The following CCDC32 variants were observed in gnomAD, a reference collection of about 807,000 sequenced individuals.
CCDC32 encodes the protein coiled-coil domain containing 32.
A neutral mutation model predicts 20.1 loss-of-function variants in CCDC32; 9 were observed. The ratio of observed to expected loss-of-function variants is 0.45; its 90% confidence interval spans 0.27 to 0.78. The LOEUF (loss-of-function observed/expected upper bound fraction) is 0.78. Ranked by LOEUF, CCDC32 falls within the 30% of genes least tolerant of loss-of-function variation. CCDC32 has a pLI of 0.16. For missense variants in CCDC32, 204 were observed against 215.5 expected, an observed-to-expected ratio of 0.95 and a Z score of 0.33; for synonymous variants, 63 against 79.0, an observed-to-expected ratio of 0.80 and a Z score of 1.07.
chr15:40,556,981 A>G, intron 3 of CCDC32: 1 of 326,052 alleles, frequency 3.1e-6, no homozygotes, highest in South Asian at 8.0e-5. Context: ...CTCATGAGAA[A>G]GAATTCAAGA....
downstream of CCDC32, among the ~76,000 whole-genome samples, chr15:40,551,809 C>CAAAAAAAAAAAAAA (rs59499493): frequency 1.0e-4 from 10 of 96,354 alleles, no homozygotes; most frequent in African/African-American, 3.6e-4. Flanking sequence ...GACCCTGTCT[C>CAAAAAAAAAAAAAA]AAAAAAAAAA....
intron 3 of CCDC32, among the ~76,000 whole-genome samples, chr15:40,556,371 T>C (rs1010667204): frequency 6.6e-6 from 1 of 151,114 alleles, no homozygotes; most frequent in African/African-American, 2.4e-5. Context: ...TGTCTTTATA[T>C]ATATTTGTCA....
At chr15:40,548,577 G>A (rs918240564), downstream of CCDC32, among the ~76,000 whole-genome samples, 1 of 152,114 alleles carries the variant, frequency 6.6e-6, no homozygotes, top group African/African-American at 2.4e-5. Context: ...GGTGTCACCT[G>A]GGACAGCTTA....
At chr15:40,564,816 G>A (rs995092268) in intron 1 of CCDC32, 160 bp downstream of exon 1, 1 of 1,614,016 alleles carries the variant, frequency 6.2e-7, no homozygotes, top group Non-Finnish European at 8.5e-7. Flanking sequence ...CCAGAACCAC[G>A]CAGGAAATTC....
At chr15:40,559,720 T>C (rs1458619370) in intron 2 of CCDC32, among the ~76,000 whole-genome samples, 1 of 152,234 alleles carries the variant, frequency 6.6e-6, no homozygotes, top group Non-Finnish European at 1.5e-5. Flanking sequence ...CTTCTGACTC[T>C]TCTTTCTGTC....
At chr15:40,545,176 T>G (rs1889564510) in intron 3 of CCDC32, among the ~76,000 whole-genome samples, 1 of 152,210 alleles carries the variant, frequency 6.6e-6, no homozygotes, top group Non-Finnish European at 1.5e-5. Context: ...TCAGGCACCA[T>G]GCTGAAGACC....
intron 3 of CCDC32, among the ~76,000 whole-genome samples, chr15:40,547,620 A>G (rs186369169): frequency 3.1e-4 from 47 of 150,360 alleles, no homozygotes; most frequent in Admixed American, 3.1e-3. Flanking sequence ...TTGCCTGTTC[A>G]AGAAGGGCAA....
chr15:40,553,990 G>T lies in CCDC32; in HGVS notation c.539C>A (p.Pro180Gln). The T allele has an allele frequency of 1.2e-6, 2 of 1,607,202 alleles. No homozygotes were observed. ...TGTAATTTACTGTTCTGCTGCTGCT[G>T]GCTTGTCCCCGGCTGCTGGCTCGTC... ...AEDEPAAGDK[P>Q]AAAEQ Residue 180 changes from proline to glutamine, a missense_variant, in exon 4 of 4, where the codon CCA (proline) becomes CAA (glutamine). Transcript: ENST00000416810.
chr15:40,539,836 G>A (rs568977562), intron 3 of CCDC32, among the ~76,000 whole-genome samples: 676 of 63,958 alleles, frequency 0.011, 13 homozygotes, highest in African/African-American at 0.028. Flanking sequence ...TGATCAAACT[G>A]TTGCCACACA....
At chr15:40,531,330 A>AT (rs1036283042), downstream of CCDC32, 343 of 142,872 alleles carry the variant, frequency 2.4e-3, 10 homozygotes, top group African/African-American at 6.1e-3. Context: ...CTTTTTTTTT[A>AT]TTTTTTTTTT....
intron 2 of CCDC32, among the ~76,000 whole-genome samples, chr15:40,559,397 G>A (rs1316027503): frequency 6.6e-6 from 1 of 152,158 alleles, no homozygotes; most frequent in East Asian, 1.9e-4. Context: ...TTTCATGAAA[G>A]TTTCTTAGAA....
chr15:40,557,815 A>G (rs1890350581), intron 2 of CCDC32: 1 of 130,744 alleles, frequency 7.6e-6, no homozygotes, highest in Non-Finnish European at 1.8e-5. Context: ...TCCAAATCTC[A>G]TGAGAAAGAA....
At chr15:40,522,542 T>G in the CCDC32 span, among the ~76,000 whole-genome samples, 1 of 152,230 alleles carries the variant, frequency 6.6e-6, no homozygotes, top group African/African-American at 2.4e-5. Context: ...GTAGATCATT[T>G]TGGGGAAAAC....
chr15:40,522,703 G>GTAA, the CCDC32 span, among the ~76,000 whole-genome samples: 1 of 152,096 alleles, frequency 6.6e-6, no homozygotes, highest in Non-Finnish European at 1.5e-5. Context: ...GGTAACTTGA[G>GTAA]TAAAGCCCAT....
intron 3 of CCDC32, among the ~76,000 whole-genome samples, chr15:40,555,101 A>T (rs976544866): frequency 6.6e-6 from 1 of 152,220 alleles, no homozygotes; most frequent in Non-Finnish European, 1.5e-5. Flanking sequence ...TAAACTTTGA[A>T]GAACTAGTGT....
chr15:40,557,484 C>T, intron 2 of CCDC32, 112 bp from the exon 3 acceptor site: 2 of 1,027,492 alleles, frequency 1.9e-6, no homozygotes, highest in South Asian at 3.5e-5. Flanking sequence ...AGGACATCCA[C>T]ACTCCCTGCC....
rs747061283 is a variant in CCDC32 at position 40,557,221 on chromosome 15, A to G, written c.396T>C (p.Asp132=). Residue 132 remains aspartate, a synonymous_variant, in exon 3 of 4, where the codon GAT becomes GAC. Transcript: ENST00000416810. ...SEFFVDGLDS[D]ESTLEHFKRW... is the part of the protein sequence containing the mutation. ...CTAGACGGGGAATCGATTACCTCTC[A>G]TCAGAATCAAGTCCATCCACAAAGA... is the stretch of plus-strand genomic sequence containing the variant. 3 of 1,611,816 alleles carry G rather than the reference A, an allele frequency of 1.9e-6. No homozygotes were observed. In the East Asian group the frequency reaches 6.7e-5, roughly 36 times the overall value.
Position 40,565,015 on chromosome 15 carries a change from G to C in CCDC32, c.-52C>G, listed in dbSNP as rs1215353555. On this transcript the variant is annotated 5_prime_UTR_variant, in exon 1 of 4. Coordinates refer to ENST00000416810, the MANE Select transcript of CCDC32 (RefSeq NM_001080792.4). Reference sequence around the variant, plus strand: ...AGTAAACGCTTGGCTCAGCTCTGTCGCCTGTAGCCCGGAGGAAATCGGGAG... The same window carrying C: ...AGTAAACGCTTGGCTCAGCTCTGTCCCCTGTAGCCCGGAGGAAATCGGGAG... 6.8e-5 allele frequency: 39 copies of C among 570,780 alleles called. No individual in the cohort carries two copies. The East Asian group carries it at 1.1e-3, about 16-fold the overall frequency. 35.4% of individuals were successfully genotyped at this position (570,780 alleles called of 1,614,324 possible). A position where few individuals can be genotyped will look rare whatever the true frequency, so the allele number is the denominator to read the frequency against.
At chr15:40,556,995 T>TAG (rs10647114) in intron 3 of CCDC32, 1 of 487,708 alleles carries the variant, frequency 2.1e-6, no homozygotes, top group African/African-American at 2.0e-5. Context: ...TTCAAGAACA[T>TAG]GAGAGACTGA....
Sources: gnomAD v4.1 joint callset for allele counts (sites outside exome capture counted in the v4.1 genomes callset) on GRCh38, gnomAD v4.1.1 for gene constraint, MANE v1.5 for transcripts, NCBI Gene and HGNC (gene_info 2026-07-23, HGNC 2026-07-21) for gene names.